The following STK31 variants were observed in gnomAD, a reference collection of about 807,000 sequenced individuals.
STK31 encodes serine/threonine-protein kinase 31.
Under a neutral mutation model 129.7 loss-of-function variants are expected in STK31, and 89 were observed. The ratio of observed to expected loss-of-function variants is 0.69; its 90% confidence interval spans 0.58 to 0.82. The LOEUF is 0.82. Ranked by LOEUF, STK31 falls within the 40% of genes least tolerant of loss-of-function variation. The pLI, the probability that STK31 is intolerant of heterozygous loss-of-function variation, is 0.00. For missense variants in STK31, 1,187 were observed against 1,176.4 expected, an observed-to-expected ratio of 1.01 and a Z score of -0.13; for synonymous variants, 448 against 395.3, an observed-to-expected ratio of 1.13 and a Z score of -1.58.
At chr7:23,777,223 A>G (rs1584428747) in intron 15 of STK31, among the ~76,000 whole-genome samples, 1 of 152,104 alleles carries the variant, frequency 6.6e-6, no homozygotes, top group Non-Finnish European at 1.5e-5. Context: ...TCCATTTGCC[A>G]GGAAGTGTTT....
At chr7:23,751,878 C>T (rs1250550733) in intron 8 of STK31, among the ~76,000 whole-genome samples, 2 of 145,416 alleles carry the variant, frequency 1.4e-5, no homozygotes, top group African/African-American at 5.1e-5. Context: ...TTAATACAGG[C>T]ATATTTGCAT....
At chr7:23,767,566 C>G (rs1389031954) in intron 11 of STK31, among the ~76,000 whole-genome samples, 1 of 152,168 alleles carries the variant, frequency 6.6e-6, no homozygotes, top group African/African-American at 2.4e-5. Flanking sequence ...GCACTACCAC[C>G]CTTAGATGTA....
rs138850714 is a variant in STK31, at chr7:23,769,143, G to A, written c.1565G>A (p.Arg522His). ...AGTGAAACAGACGCTTCTCTGCACC[G>A]TCTTGTAGCATGGTTCCAAAGAACC... The part of the protein sequence containing the change: ...VRSETDASLH[R>H]LVAWFQRTLK... The change falls in exon 12 of 24, where the codon CGT becomes CAT. Residue 522 changes from arginine to histidine, a missense_variant. Physicochemically the swap from Arg to His is conservative, Grantham distance 29. Transcript: ENST00000355870. The A allele has an allele frequency of 4.5e-5, 73 of 1,604,586 alleles. No individual in the cohort carries two copies. Among genetic ancestry groups the A allele is most frequent in the African/African-American group, 3.5e-4 (26 of 74,302 alleles).
At chr7:23,712,438 C>G in intron 3 of STK31, 152 bp downstream of exon 3, 1 of 750,072 alleles carries the variant, frequency 1.3e-6, no homozygotes, top group Non-Finnish European at 2.2e-6. Context: ...TATTAGGAGA[C>G]AAATGTTGAC....
chr7:23,828,538 T>A (rs533598259), intron 23 of STK31, among the ~76,000 whole-genome samples: 21 of 152,358 alleles, frequency 1.4e-4, no homozygotes, highest in Non-Finnish European at 1.9e-4. Context: ...CCCCTTGCGC[T>A]TCCCGGGTGA....
chr7:23,830,307 T>C (rs1365961013), intron 23 of STK31, among the ~76,000 whole-genome samples: 1 of 152,186 alleles, frequency 6.6e-6, no homozygotes, highest in Non-Finnish European at 1.5e-5. Context: ...GCTCCCATCG[T>C]TATTCTTCGT....
At chr7:23,826,177 T>G (rs1465123911) in intron 23 of STK31, among the ~76,000 whole-genome samples, 1 of 152,202 alleles carries the variant, frequency 6.6e-6, no homozygotes, top group South Asian at 2.1e-4. Flanking sequence ...CTTGTTGGTC[T>G]GCCTAATGTT....
Position 23,763,120 on chromosome 7 carries a change from A to G in STK31, c.1416+197A>G, listed in dbSNP as rs538784815. ...TGTGGCTATGTTTATATGCATATCT[A>G]TCTTGCAAACAAGGTAAAATGGCTA... On this transcript the variant is annotated intron_variant, in intron 11 of 23. Transcript: ENST00000355870. Among the ~76,000 whole-genome samples the G allele has an allele frequency of 1.8e-4, 27 of 152,304 alleles. No individual in the cohort carries two copies. The East Asian group carries it at 2.3e-3, about 13-fold the overall frequency.
chr7:23,821,480 TTTATGTCC>T, intron 23 of STK31, among the ~76,000 whole-genome samples: 1 of 152,204 alleles, frequency 6.6e-6, no homozygotes, highest in Admixed American at 6.5e-5. Flanking sequence ...GAAATGTCTA[TTTATGTCC>T]TTTGCCCACT....
intron 17 of STK31, 108 bp from the exon 18 acceptor site, chr7:23,785,370 C>G: frequency 2.1e-6 from 3 of 1,439,420 alleles, no homozygotes; most frequent in South Asian, 1.4e-5. Flanking sequence ...TTTTCCAGTA[C>G]AGTTGATGGT....
At chr7:23,739,845 G>A (rs1218907005) in intron 8 of STK31, among the ~76,000 whole-genome samples, 1 of 152,028 alleles carries the variant, frequency 6.6e-6, no homozygotes, top group East Asian at 1.9e-4. Context: ...ATCTGTTTTG[G>A]TACCAGTAGC....
chr7:23,752,936 C>T (rs1788807063), intron 9 of STK31, 104 bp downstream of exon 9: 1 of 739,998 alleles, frequency 1.4e-6, no homozygotes, highest in Non-Finnish European at 2.2e-6. Flanking sequence ...AAAATTTAAC[C>T]TTTGTATTTT....
intron 14 of STK31, 151 bp downstream of exon 14, chr7:23,771,275 T>C (rs1790174177): frequency 4.7e-6 from 3 of 640,016 alleles, no homozygotes; most frequent in Non-Finnish European, 6.9e-6. Flanking sequence ...TTTGATGATA[T>C]AAATATATCA....
At chr7:23,762,180 C>T (rs1789515150) in intron 10 of STK31, among the ~76,000 whole-genome samples, 1 of 151,596 alleles carries the variant, frequency 6.6e-6, no homozygotes, top group African/African-American at 2.4e-5. Flanking sequence ...TGCTGTGCTG[C>T]ACCCATTAAC....
chr7:23,797,157 A>G (rs1227992474), intron 22 of STK31, among the ~76,000 whole-genome samples: 1 of 152,152 alleles, frequency 6.6e-6, no homozygotes, highest in East Asian at 1.9e-4. Context: ...CTCCCACACA[A>G]TAATAGTGGG....
chr7:23,786,781 T>C, intron 19 of STK31, 57 bp from the exon 20 acceptor site: 9 of 1,574,498 alleles, frequency 5.7e-6, no homozygotes, highest in Non-Finnish European at 7.8e-6. Flanking sequence ...CAATGTATGC[T>C]AAAAATATGT....
chr7:23,727,409 G>T, intron 5 of STK31, 94 bp downstream of exon 5: 1 of 999,686 alleles, frequency 1.0e-6, no homozygotes, highest in Non-Finnish European at 1.6e-6. Flanking sequence ...TTGCTTATTC[G>T]TAGTACTGAT....
At chr7:23,766,989 G>C (rs998593240) in intron 11 of STK31, among the ~76,000 whole-genome samples, 1 of 152,146 alleles carries the variant, frequency 6.6e-6, no homozygotes, top group Non-Finnish European at 1.5e-5. Flanking sequence ...TCCTCTAGCT[G>C]TGTCCCTTCT....
chr7:23,786,477 G>A, intron 18 of STK31, 31 bp from the exon 19 acceptor site: 1 of 1,564,902 alleles, frequency 6.4e-7, no homozygotes, highest in South Asian at 1.3e-5. Flanking sequence ...TTTCATCTTG[G>A]AATTACGAGT....
Sources: gnomAD v4.1 joint callset for allele counts (sites outside exome capture counted in the v4.1 genomes callset) on GRCh38, gnomAD v4.1.1 for gene constraint, MANE v1.5 for transcripts, NCBI Gene and HGNC (gene_info 2026-07-23, HGNC 2026-07-21) for gene names.